SNTB1: variants seen among roughly 807,000 people sequenced by gnomAD.
SNTB1 encodes beta-1-syntrophin.
SNTB1 carries 36 observed loss-of-function variants against 48.9 expected under a neutral mutation model. That is an observed-to-expected ratio of 0.74 (90% CI 0.56 to 0.97). SNTB1 has a LOEUF of 0.97. Among genes scored for constraint, SNTB1 ranks in the 50% least tolerant of loss-of-function variants. SNTB1 has a pLI of 0.00. For missense variants in SNTB1, 786 were observed against 703.4 expected (o/e 1.12, Z -1.33); for synonymous variants, 299 against 294.6 (o/e 1.01, Z -0.15).
chr8:120,787,836 C>T (rs1207644516), intron 1 of SNTB1, among the ~76,000 whole-genome samples: 1 of 152,118 alleles, frequency 6.6e-6, no homozygotes, highest in African/African-American at 2.4e-5. Context: ...CTTCCCTGGC[C>T]TTGCTAGAGA....
rs186240637 is a variant in SNTB1 at position 120,728,594 on chromosome 8, G to T, written c.572-34686C>A. ...TTATAAGTGAGAACATGCAGCATTT[G>T]GTTTTCTGTTCCTGCATTAATTCAC... On this transcript the variant is annotated intron_variant, in intron 1 of 6. Transcript: ENST00000517992. Among the ~76,000 whole-genome samples the T allele has an allele frequency of 1.4e-3, 211 of 152,250 alleles. 1 individual carries two copies. The highest frequency in any genetic ancestry group is 1.0e-4 in the Non-Finnish European group (7 of 68,024).
intron 1 of SNTB1, among the ~76,000 whole-genome samples, chr8:120,780,995 C>T (rs1053135341): frequency 2.0e-5 from 3 of 152,226 alleles, no homozygotes; most frequent in Admixed American, 2.0e-4. Flanking sequence ...CAAACACCTT[C>T]TCATCCTGTG....
intron 1 of SNTB1, among the ~76,000 whole-genome samples, chr8:120,779,512 G>A (rs1001874206): frequency 6.6e-6 from 1 of 151,836 alleles, no homozygotes; most frequent in Non-Finnish European, 1.5e-5. Flanking sequence ...AAAATAAAAT[G>A]AAATAAAATA....
At chr8:120,655,399 C>A (rs1187164480) in intron 2 of SNTB1, among the ~76,000 whole-genome samples, 3 of 152,172 alleles carry the variant, frequency 2.0e-5, no homozygotes, top group East Asian at 1.9e-4. Flanking sequence ...CATGAAGAGG[C>A]AAACTCCACC....
intron 3 of SNTB1, among the ~76,000 whole-genome samples, chr8:120,597,208 A>G (rs1816341449): frequency 6.6e-6 from 1 of 152,236 alleles, no homozygotes; most frequent in South Asian, 2.1e-4. Flanking sequence ...AAGCTGGAAG[A>G]TGCAAGAAAT....
In SNTB1 at chr8:120,811,454, G is replaced by GCC. The variant is rs1563610837; in HGVS notation, c.388_389dup (p.Lys131AlafsTer34). 1.2e-6 allele frequency: 2 copies of GCC among 1,613,976 alleles called. No homozygotes were observed. Among genetic ancestry groups the GCC allele is most frequent in the Non-Finnish European group, 1.7e-6 (2 of 1,179,906 alleles). ...TGAGGATGGGCATCTTGTTCTCCTT[G>GCC]CCCCCCTTGATGCTGATCCCCAGCC... On this transcript the variant is annotated frameshift_variant, in exon 1 of 7. Coordinates refer to ENST00000517992, the MANE Select transcript of SNTB1 (RefSeq NM_021021.4). LOFTEE classifies it high-confidence loss of function.
At chr8:120,557,594 T>C (rs1385141021) in intron 4 of SNTB1, among the ~76,000 whole-genome samples, 1 of 152,204 alleles carries the variant, frequency 6.6e-6, no homozygotes, top group Non-Finnish European at 1.5e-5. Context: ...GATCTCCTCT[T>C]TGATCTCTTT....
chr8:120,668,046 C>G (rs1023720861), intron 2 of SNTB1, among the ~76,000 whole-genome samples: 6 of 152,122 alleles, frequency 3.9e-5, no homozygotes, highest in Non-Finnish European at 5.9e-5. Context: ...CTGATCGGTT[C>G]TCAGCTAAAT....
chr8:120,549,919 A>G (rs1187738314), intron 4 of SNTB1, among the ~76,000 whole-genome samples: 4 of 152,230 alleles, frequency 2.6e-5, no homozygotes, highest in Non-Finnish European at 5.9e-5. Context: ...GCAACACTTT[A>G]CAATTTACTA....
intron 2 of SNTB1, among the ~76,000 whole-genome samples, chr8:120,675,804 A>G (rs1328562042): frequency 6.6e-6 from 1 of 152,208 alleles, no homozygotes; most frequent in Non-Finnish European, 1.5e-5. Context: ...TAGTCAGGGC[A>G]CAGAGTTTCC....
chr8:120,634,838 CA>C (rs1277025612), intron 2 of SNTB1, among the ~76,000 whole-genome samples: 1 of 151,280 alleles, frequency 6.6e-6, no homozygotes, highest in East Asian at 1.9e-4. Context: ...GAACTTTAGC[CA>C]TAATTAGTAT....
intron 2 of SNTB1, among the ~76,000 whole-genome samples, chr8:120,687,622 C>A (rs889436331): frequency 5.9e-5 from 9 of 152,216 alleles, no homozygotes; most frequent in African/African-American, 2.2e-4. Context: ...ACTTTCATGA[C>A]AATTTAATTT....
chr8:120,545,710 G>A (rs554255066), intron 5 of SNTB1, among the ~76,000 whole-genome samples: 3 of 152,298 alleles, frequency 2.0e-5, no homozygotes, highest in African/African-American at 7.2e-5. Flanking sequence ...ACTGCCCAGC[G>A]AAGTAGGCGT....
At chr8:120,798,331 T>C (rs1478754758) in intron 1 of SNTB1, among the ~76,000 whole-genome samples, 2 of 152,048 alleles carry the variant, frequency 1.3e-5, no homozygotes, top group Non-Finnish European at 2.9e-5. Flanking sequence ...AGCTGTAGGC[T>C]GTACACCAGT....
intron 3 of SNTB1, among the ~76,000 whole-genome samples, chr8:120,595,421 T>C (rs1816307340): frequency 6.6e-6 from 1 of 152,024 alleles, no homozygotes; most frequent in Admixed American, 6.5e-5. Context: ...AGTTTACAAA[T>C]GCCATGGCAA....
chr8:120,602,421 C>G (rs1349873593), intron 3 of SNTB1, among the ~76,000 whole-genome samples: 3 of 152,176 alleles, frequency 2.0e-5, no homozygotes, highest in Non-Finnish European at 4.4e-5. Context: ...AGCAGATGAC[C>G]TTCCATCAGG....
At position 120,604,640 on chromosome 8, in the gene SNTB1, G is replaced by A. The variant is rs576857866; in HGVS notation, c.996+27804C>T. On this transcript the variant is annotated intron_variant, in intron 3 of 6. Coordinates refer to ENST00000517992, the MANE Select transcript of SNTB1 (RefSeq NM_021021.4). ...TAATTTTTGTATTTTTAGTAGAGAC[G>A]GGGTTTCACCATGTTGGGCAGTCTT... is the stretch of plus-strand genomic sequence containing the variant. Among the ~76,000 whole-genome samples, 76 of 152,026 alleles carry A rather than the reference G, an allele frequency of 5.0e-4. 1 individual carries two copies. Among genetic ancestry groups the A allele is most frequent in the African/African-American group, 1.6e-3 (66 of 41,464 alleles).
At chr8:120,709,859 C>T (rs1003188495) in intron 1 of SNTB1, among the ~76,000 whole-genome samples, 1 of 151,804 alleles carries the variant, frequency 6.6e-6, no homozygotes, top group Non-Finnish European at 1.5e-5. Flanking sequence ...ATACTAAAAG[C>T]ATGGGGTTGT....
chr8:120,744,121 ATT>A (rs35604534), intron 1 of SNTB1, among the ~76,000 whole-genome samples: 5 of 136,060 alleles, frequency 3.7e-5, no homozygotes, highest in African/African-American at 5.3e-5. Context: ...CCCTGTCTCA[ATT>A]TTTTTTTTTT....
Sources: allele counts gnomAD v4.1 joint callset (sites outside exome capture counted in the v4.1 genomes callset), GRCh38; gene constraint gnomAD v4.1.1; transcripts MANE v1.5; gene names NCBI Gene and HGNC (gene_info 2026-07-23, HGNC 2026-07-21).